KDM5A: variants seen among roughly 807,000 people sequenced by gnomAD.
The protein encoded by KDM5A is lysine-specific demethylase 5A.
KDM5A carries 42 observed loss-of-function variants against 193.5 expected under a neutral mutation model. The observed-to-expected ratio is 0.22, with a 90% CI of 0.17 to 0.28. The LOEUF (loss-of-function observed/expected upper bound fraction) is 0.28. Ranked by LOEUF, KDM5A falls within the 10% of genes least tolerant of loss-of-function variation. The pLI, the probability that KDM5A is intolerant of heterozygous loss-of-function variation, is 1.00. For synonymous variants in KDM5A, 796 were observed against 718.1 expected (o/e 1.11, Z -1.73); for missense variants, 1,692 against 2,055.1 (o/e 0.82, Z 3.42).
At chr12:302,011 C>T (rs570968030) in intron 24 of KDM5A, among the ~76,000 whole-genome samples, 158 of 151,946 alleles carry the variant, frequency 1.0e-3, no homozygotes, top group African/African-American at 3.6e-3. Context: ...CACTGCTCAA[C>T]GAAATAAAAG....
chr12:305,673 A>C (rs1368986908), intron 24 of KDM5A, among the ~76,000 whole-genome samples: 1 of 152,228 alleles, frequency 6.6e-6, no homozygotes, highest in Non-Finnish European at 1.5e-5. Context: ...GTCTCTGCCT[A>C]ATCACATTGT....
At chr12:340,414 A>G (rs1943987268) in intron 10 of KDM5A, among the ~76,000 whole-genome samples, 1 of 152,054 alleles carries the variant, frequency 6.6e-6, no homozygotes, top group South Asian at 2.1e-4. Context: ...TATCATTATC[A>G]GTCGGGCACA....
chr12:330,832 C>G (rs1355653731), intron 13 of KDM5A, among the ~76,000 whole-genome samples: 1 of 151,998 alleles, frequency 6.6e-6, no homozygotes, highest in Admixed American at 6.6e-5. Context: ...AATTAAGGTG[C>G]CAGCAGAAAA....
intron 14 of KDM5A, among the ~76,000 whole-genome samples, chr12:325,345 G>C (rs1943768394): frequency 6.6e-6 from 1 of 152,188 alleles, no homozygotes; most frequent in Non-Finnish European, 1.5e-5. Flanking sequence ...ATTTCCCAAA[G>C]TGTACTCCAA....
At position 318,364 on chromosome 12, in the gene KDM5A, A is replaced by C; in HGVS notation, c.2639T>G (p.Met880Arg). The change falls in exon 19 of 28, where the codon ATG becomes AGG. Residue 880 changes from methionine to arginine, a missense_variant. Met to Arg is a moderately conservative substitution (Grantham distance 91). This residue lies in a region of KDM5A where 965 missense variants were observed against 1,061.0 expected (regional missense o/e 0.91). Coordinates refer to ENST00000399788, the MANE Select transcript of KDM5A (RefSeq NM_001042603.3). ...GAGTTCCACATAGAGACTAGAGCCC[A>C]TATCTATCAACATCTGGAGTTTGGA... ...DSSKLQMLID[M>R]GSSLYVELPE... 1.9e-6 allele frequency: 3 copies of C among 1,614,206 alleles called. No homozygotes were observed. The highest frequency in any genetic ancestry group is 2.5e-6 in the Non-Finnish European group (3 of 1,180,008).
chr12:300,368 G>T (rs1943427014), intron 24 of KDM5A, among the ~76,000 whole-genome samples: 1 of 152,080 alleles, frequency 6.6e-6, no homozygotes, highest in South Asian at 2.1e-4. Flanking sequence ...TAGAACTCAG[G>T]ATTAAGAAAC....
chr12:333,723 C>A (rs891209462), intron 11 of KDM5A, 74 bp from the exon 12 acceptor site: 1 of 1,345,386 alleles, frequency 7.4e-7, no homozygotes, highest in East Asian at 2.3e-5. Context: ...TTCCAATCCA[C>A]CAAATTATAA....
chr12:362,190 C>A (rs1944301404), intron 5 of KDM5A, among the ~76,000 whole-genome samples: 1 of 151,848 alleles, frequency 6.6e-6, no homozygotes, highest in Admixed American at 6.6e-5. Context: ...GTTCTAAGGG[C>A]ACCTCACTTT....
chr12:307,207 C>T lies in KDM5A; in HGVS notation c.3931-118G>A. 1 of 1,219,974 alleles carries T rather than the reference C, an allele frequency of 8.2e-7. No homozygotes were observed. 75.6% of individuals were successfully genotyped at this position (1,219,974 alleles called of 1,614,324 possible). Reference sequence around the variant, plus strand: ...AAGCAAAGTGGCTAACAGAGTTCTTCAACAGTTAGTAGAAATCAAATTATT... The same window carrying T: ...AAGCAAAGTGGCTAACAGAGTTCTTTAACAGTTAGTAGAAATCAAATTATT... On this transcript the variant is annotated intron_variant, in intron 23 of 27. Transcript: ENST00000399788. This position sits in a 1 kb window ranked among gnomAD's most constrained non-coding sequence, Gnocchi z 4.3.
chr12:385,830 A>C (rs1473558199), intron 2 of KDM5A, 67 bp downstream of exon 2: 2 of 1,239,456 alleles, frequency 1.6e-6, no homozygotes, highest in African/African-American at 3.0e-5. Context: ...AGCTTCTCAA[A>C]GTTCTCTACC....
chr12:312,956 T>G, intron 20 of KDM5A, 100 bp downstream of exon 20: 1 of 1,306,816 alleles, frequency 7.7e-7, no homozygotes. Flanking sequence ...AGGGATCGTT[T>G]GTATTATGAT....
chr12:333,994 G>A (rs1447330729), intron 11 of KDM5A, among the ~76,000 whole-genome samples: 4 of 152,084 alleles, frequency 2.6e-5, no homozygotes, highest in Non-Finnish European at 5.9e-5. Flanking sequence ...TTGATTCAGA[G>A]GTCCATGTGA....
chr12:295,813 A>T lies in KDM5A; in HGVS notation c.4235-20T>A, dbSNP rs1183851032. Reference sequence around the variant, plus strand: ...TAGAACCTTTCCCAAAAAATACCATAAAACAAAGCAAAAAAAATTAAAACT... The same window carrying T: ...TAGAACCTTTCCCAAAAAATACCATTAAACAAAGCAAAAAAAATTAAAACT... On this transcript the variant is annotated intron_variant, in intron 25 of 27. Transcript: ENST00000399788. 3.7e-6 allele frequency: 6 copies of T among 1,601,882 alleles called. No individual in the cohort carries two copies. The highest frequency in any genetic ancestry group is 4.3e-6 in the Non-Finnish European group (5 of 1,169,028).
At chr12:322,624 C>T in intron 16 of KDM5A, 57 bp from the exon 17 acceptor site, 1 of 1,494,710 alleles carries the variant, frequency 6.7e-7, no homozygotes, top group South Asian at 1.1e-5. Context: ...AAAAGCCATT[C>T]TAAAATCTTC....
At chr12:359,540 C>G (rs1055648738) in intron 5 of KDM5A, among the ~76,000 whole-genome samples, 11 of 151,744 alleles carry the variant, frequency 7.2e-5, no homozygotes, top group African/African-American at 2.7e-4. Flanking sequence ...TCACTCGAGC[C>G]CAGAGACCAA....
chr12:388,229 T>C (rs759511425), intron 1 of KDM5A: 1 of 453,940 alleles, frequency 2.2e-6, no homozygotes, highest in South Asian at 1.6e-5. Context: ...TCTGTTTTCC[T>C]TACCTCAAAG....
At position 307,019 on chromosome 12, in the gene KDM5A, T is replaced by C; in HGVS notation, c.4001A>G (p.Gln1334Arg). The C allele has an allele frequency of 6.2e-7, 1 of 1,614,126 alleles. No homozygotes were observed. The highest frequency in any genetic ancestry group is 1.1e-5 in the South Asian group (1 of 91,076). ...TTCTTCATCATCATAGTCCATTGTTTGTCGAGGAGAAGATGACACACTGCT... is the reference window on the plus strand; with the variant it reads ...TTCTTCATCATCATAGTCCATTGTTCGTCGAGGAGAAGATGACACACTGCT... ...VVSSVSSSPR[Q>R]TMDYDDEETD... is the part of the protein sequence containing the mutation. The change falls in exon 24 of 28, where the codon CAA (glutamine) becomes CGA (arginine). Residue 1334 changes from glutamine to arginine, a missense_variant. Around this residue, in one of 11 missense-constraint regions of KDM5A, gnomAD observed 965 missense variants for 1,061.0 expected, o/e 0.91. Transcript: ENST00000399788. The surrounding 1 kb of genome is among the most constrained non-coding windows in gnomAD (Gnocchi z 4.3).
intron 18 of KDM5A, among the ~76,000 whole-genome samples, chr12:320,792 T>C: frequency 6.6e-6 from 1 of 152,064 alleles, no homozygotes; most frequent in Non-Finnish European, 1.5e-5. Flanking sequence ...ATACCAGCCT[T>C]AGTTACAGAA....
chr12:349,330 CTTTTT>C (rs749540223), intron 10 of KDM5A, among the ~76,000 whole-genome samples: 3 of 117,690 alleles, frequency 2.5e-5, no homozygotes, highest in Non-Finnish European at 5.2e-5. Context: ...ATCTTCTAGA[CTTTTT>C]TTTTTTTTTT....
Sources: allele counts gnomAD v4.1 joint callset (sites outside exome capture counted in the v4.1 genomes callset), GRCh38; gene constraint gnomAD v4.1.1; regional missense constraint gnomAD v4.1.1; non-coding constraint Gnocchi (gnomAD v3.1); transcripts MANE v1.5; gene names NCBI Gene and HGNC (gene_info 2026-07-23, HGNC 2026-07-21).